The following OSBPL8 variants were observed in gnomAD, a reference collection of about 807,000 sequenced individuals.
OSBPL8 encodes oxysterol binding protein like 8.
A neutral mutation model predicts 125.5 loss-of-function variants in OSBPL8; 59 were observed. The observed-to-expected ratio is 0.47, with a 90% CI of 0.38 to 0.58. The LOEUF is 0.58. OSBPL8 is among the 20% of genes least tolerant of loss of function. OSBPL8 has a pLI of 0.00. For synonymous variants in OSBPL8, 330 were observed against 338.9 expected, an observed-to-expected ratio of 0.97 and a Z score of 0.29; for missense variants, 758 against 1,047.8, an observed-to-expected ratio of 0.72 and a Z score of 3.82.
At chr12:76,452,488 C>T (rs909750686) in intron 3 of OSBPL8, among the ~76,000 whole-genome samples, 1 of 152,064 alleles carries the variant, frequency 6.6e-6, no homozygotes, top group East Asian at 1.9e-4. Flanking sequence ...ATTTTTGATT[C>T]TGCTCATCCT....
intron 1 of OSBPL8, among the ~76,000 whole-genome samples, chr12:76,544,799 T>C (rs190785506): frequency 7.2e-5 from 11 of 152,018 alleles, no homozygotes; most frequent in African/African-American, 1.9e-4. Flanking sequence ...CTTAGCTCCT[T>C]AGCAGCAACA....
intron 14 of OSBPL8, 47 bp downstream of exon 14, chr12:76,386,121 C>A: frequency 6.4e-7 from 1 of 1,565,448 alleles, no homozygotes. Flanking sequence ...AAAAATATTC[C>A]AATAACTTCC....
chr12:76,389,882 T>G (rs1284245580), intron 11 of OSBPL8, 53 bp from the exon 12 acceptor site: 23 of 1,340,848 alleles, frequency 1.7e-5, no homozygotes, highest in Non-Finnish European at 2.3e-5. Context: ...CAGACAGATA[T>G]GTAAACAAGC....
intron 22 of OSBPL8, among the ~76,000 whole-genome samples, chr12:76,358,167 G>C (rs1285544259): frequency 6.9e-6 from 1 of 144,906 alleles, no homozygotes; most frequent in Non-Finnish European, 1.5e-5. Context: ...TACTACTAGA[G>C]TGTGGTTCTT....
intron 8 of OSBPL8, among the ~76,000 whole-genome samples, chr12:76,395,019 C>G (rs905080946): frequency 6.6e-6 from 1 of 151,942 alleles, no homozygotes; most frequent in African/African-American, 2.4e-5. Flanking sequence ...CATATTAAAC[C>G]AAATTTTAAC....
rs189943385 is a variant in OSBPL8, at chr12:76,470,822, T to C, written c.43-10927A>G. On this transcript the variant is annotated intron_variant, in intron 2 of 23. Transcript: ENST00000261183. ...TGTTCCTCATGTCTCTGCAACTACATGGTGCTCAAATGTCAAAATATTCAG... is the reference window on the plus strand; with the variant it reads ...TGTTCCTCATGTCTCTGCAACTACACGGTGCTCAAATGTCAAAATATTCAG... 1.6e-3 allele frequency among the ~76,000 whole-genome samples: 242 copies of C among 152,276 alleles called. 2 individuals carry two copies. Among genetic ancestry groups the C allele is most frequent in the Admixed American group, 0.015 (226 of 15,288 alleles).
chr12:76,558,682 T>C (rs909110939), intron 1 of OSBPL8, among the ~76,000 whole-genome samples: 19 of 152,218 alleles, frequency 1.2e-4, no homozygotes, highest in African/African-American at 4.6e-4. Context: ...ATGTGTCTCA[T>C]AAAGAAGAGT....
chr12:76,450,589 A>G (rs1161352563), intron 4 of OSBPL8, among the ~76,000 whole-genome samples: 2 of 152,050 alleles, frequency 1.3e-5, no homozygotes. Context: ...TGAGACCACA[A>G]AGTGTGAGAA....
intron 23 of OSBPL8, among the ~76,000 whole-genome samples, chr12:76,356,336 A>G (rs1351931389): frequency 1.3e-5 from 2 of 152,204 alleles, no homozygotes; most frequent in African/African-American, 4.8e-5. Flanking sequence ...CTCAGAAACA[A>G]TCCCACCTCC....
At chr12:76,458,608 C>G (rs1050753052) in intron 3 of OSBPL8, among the ~76,000 whole-genome samples, 6 of 151,350 alleles carry the variant, frequency 4.0e-5, no homozygotes, top group African/African-American at 1.2e-4. Flanking sequence ...TCCCTTGAGC[C>G]CAGAAGTTCA....
intron 1 of OSBPL8, among the ~76,000 whole-genome samples, chr12:76,544,264 T>A (rs908648741): frequency 2.6e-5 from 4 of 152,138 alleles, no homozygotes; most frequent in African/African-American, 9.7e-5. Flanking sequence ...ATACTAAAAA[T>A]GGCCTTCTTC....
chr12:76,371,306 C>T, intron 19 of OSBPL8, 142 bp downstream of exon 19: 1 of 928,824 alleles, frequency 1.1e-6, no homozygotes, highest in Non-Finnish European at 1.5e-6. Context: ...TACACAAAAA[C>T]AGAATACTGT....
chr12:76,446,324 G>C (rs550674171), intron 4 of OSBPL8, among the ~76,000 whole-genome samples: 23 of 152,230 alleles, frequency 1.5e-4, no homozygotes, highest in African/African-American at 5.5e-4. Flanking sequence ...AAAGCTAACA[G>C]ATAATCTTAT....
chr12:76,408,062 C>G (rs1248196554), intron 5 of OSBPL8, among the ~76,000 whole-genome samples: 1 of 146,474 alleles, frequency 6.8e-6, no homozygotes, highest in East Asian at 2.0e-4. Context: ...GTCCCAGCTA[C>G]TTGGGAGGCT....
chr12:76,532,714 G>GA (rs1407796574), intron 1 of OSBPL8, among the ~76,000 whole-genome samples: 2 of 144,392 alleles, frequency 1.4e-5, no homozygotes, highest in East Asian at 3.9e-4. Flanking sequence ...AAAAGGAGTG[G>GA]ACAAAAAAAA....
At chr12:76,413,012 G>A (rs946486264) in intron 4 of OSBPL8, among the ~76,000 whole-genome samples, 2 of 152,000 alleles carry the variant, frequency 1.3e-5, no homozygotes, top group East Asian at 1.9e-4. Flanking sequence ...CATGTTGACC[G>A]TGAGTTCCTG....
chr12:76,499,693 A>C (rs1879696757), intron 1 of OSBPL8, among the ~76,000 whole-genome samples: 1 of 152,146 alleles, frequency 6.6e-6, no homozygotes, highest in African/African-American at 2.4e-5. Context: ...TCTACTAAAA[A>C]TACAAAAATT....
intron 1 of OSBPL8, among the ~76,000 whole-genome samples, chr12:76,543,535 G>A (rs1380357213): frequency 6.6e-6 from 1 of 152,118 alleles, no homozygotes; most frequent in East Asian, 1.9e-4. Context: ...GTTTACTGTC[G>A]ATTTTCTACC....
chr12:76,446,510 A>G (rs756349469), intron 4 of OSBPL8, among the ~76,000 whole-genome samples: 8 of 152,160 alleles, frequency 5.3e-5, no homozygotes, highest in Non-Finnish European at 8.8e-5. Flanking sequence ...TTAAGTGCAA[A>G]TAAAGATATG....
Sources: allele counts gnomAD v4.1 joint callset (sites outside exome capture counted in the v4.1 genomes callset), GRCh38; gene constraint gnomAD v4.1.1; transcripts MANE v1.5; gene names NCBI Gene and HGNC (gene_info 2026-07-23, HGNC 2026-07-21).